The following SLC8A3 variants were observed in gnomAD, a reference collection of about 807,000 sequenced individuals.
SLC8A3 encodes the protein solute carrier family 8 member A3.
In SLC8A3, 37 loss-of-function variants were observed where a neutral mutation model predicts 65.4. The observed-to-expected ratio is 0.57, with a 90% CI of 0.44 to 0.74. The LOEUF (loss-of-function observed/expected upper bound fraction) is 0.74, where lower values mean the gene tolerates loss of function less well. Among genes scored for constraint, SLC8A3 ranks in the 30% least tolerant of loss-of-function variants. The probability of loss-of-function intolerance (pLI) is 0.00; values close to 1 mark genes in which losing one functional copy is unlikely to be tolerated. For missense variants in SLC8A3, 1,112 were observed against 1,172.1 expected (o/e 0.95, Z 0.75); for synonymous variants, 461 against 444.5 (o/e 1.04, Z -0.47).
At chr14:70,138,765 T>C (rs1225537588) in intron 2 of SLC8A3, among the ~76,000 whole-genome samples, 1 of 152,218 alleles carries the variant, frequency 6.6e-6, no homozygotes, top group Non-Finnish European at 1.5e-5. Flanking sequence ...AGGCTTGGCT[T>C]TCCAGATTCC....
At chr14:70,144,347 A>AGGCC in intron 2 of SLC8A3, among the ~76,000 whole-genome samples, 1 of 140,868 alleles carries the variant, frequency 7.1e-6, no homozygotes, top group African/African-American at 2.6e-5. Flanking sequence ...AAAAAAAAAA[A>AGGCC]AGGCCAGGCA....
At chr14:70,098,299 C>CT (rs919650400) in intron 2 of SLC8A3, among the ~76,000 whole-genome samples, 9 of 27,990 alleles carry the variant, frequency 3.2e-4, no homozygotes, top group Non-Finnish European at 6.5e-4. Flanking sequence ...CTTTTTCTCA[C>CT]TTTTTTTTAA....
chr14:70,054,039 AG>A (rs1169593464), intron 3 of SLC8A3, among the ~76,000 whole-genome samples: 1 of 152,240 alleles, frequency 6.6e-6, no homozygotes, highest in Non-Finnish European at 1.5e-5. Flanking sequence ...AATAAATGGC[AG>A]GTGATCTAGA....
intron 1 of SLC8A3, among the ~76,000 whole-genome samples, chr14:70,171,157 C>T (rs1422366679): frequency 6.6e-6 from 1 of 152,140 alleles, no homozygotes; most frequent in Non-Finnish European, 1.5e-5. Context: ...AGCTGAGTAG[C>T]TCTTTCTTCA....
chr14:70,146,559 T>C (rs1479704707), intron 2 of SLC8A3, among the ~76,000 whole-genome samples: 3 of 152,082 alleles, frequency 2.0e-5, no homozygotes, highest in Admixed American at 2.0e-4. Flanking sequence ...AAAAATGACT[T>C]GAGGAAAAAA....
At chr14:70,109,430 T>A (rs1009199363) in intron 2 of SLC8A3, among the ~76,000 whole-genome samples, 3 of 138,408 alleles carry the variant, frequency 2.2e-5, no homozygotes, top group Admixed American at 1.6e-4. Context: ...TGTGTATATA[T>A]ATACATGTAT....
intron 2 of SLC8A3, among the ~76,000 whole-genome samples, chr14:70,141,014 TA>T (rs1212630552): frequency 1.4e-4 from 21 of 152,326 alleles, no homozygotes; most frequent in Non-Finnish European, 4.4e-5. Flanking sequence ...ACTGCTGTGA[TA>T]AAAAGACAGG....
At chr14:70,140,313 T>C (rs1332330258) in intron 2 of SLC8A3, among the ~76,000 whole-genome samples, 1 of 152,154 alleles carries the variant, frequency 6.6e-6, no homozygotes, top group Non-Finnish European at 1.5e-5. Flanking sequence ...CCATGCATCA[T>C]ATCACTGCAC....
rs1897218277 is a variant in SLC8A3 at position 70,167,137 on chromosome 14, A to G, written c.1286T>C (p.Met429Thr). 1.2e-5 allele frequency: 19 copies of G among 1,614,184 alleles called. No individual in the cohort carries two copies. Among genetic ancestry groups the G allele is most frequent in the Non-Finnish European group, 1.6e-5 (19 of 1,180,024 alleles). ...ATCCTCTGTTTTGTAGTCCACATAC[A>G]TGGTCTTTGACATGTCTCCCCCTTT... ...VRKGGDMSKT[M>T]YVDYKTEDGS... The change falls in exon 2 of 7, where the codon ATG becomes ACG. Residue 429 changes from methionine (M) to threonine (T), a missense_variant. Transcript: ENST00000356921.
chr14:70,079,811 G>C (rs1890886899), intron 2 of SLC8A3, among the ~76,000 whole-genome samples: 1 of 152,138 alleles, frequency 6.6e-6, no homozygotes, highest in Admixed American at 6.5e-5. Context: ...TATATGGCCT[G>C]CTCAAAAAGC....
intron 2 of SLC8A3, among the ~76,000 whole-genome samples, chr14:70,078,254 GC>G (rs1890720857): frequency 1.3e-5 from 2 of 152,198 alleles, no homozygotes; most frequent in African/African-American, 2.4e-5. Flanking sequence ...TGCCTGGAGG[GC>G]CTTTAATCAA....
chr14:70,131,646 G>T (rs1894835913), intron 2 of SLC8A3, among the ~76,000 whole-genome samples: 1 of 152,216 alleles, frequency 6.6e-6, no homozygotes, highest in Admixed American at 6.5e-5. Flanking sequence ...TTCTCTTGTT[G>T]AAACTGAGAG....
intron 1 of SLC8A3, among the ~76,000 whole-genome samples, chr14:70,187,867 G>A (rs1883463488): frequency 6.6e-6 from 1 of 152,082 alleles, no homozygotes; most frequent in African/African-American, 2.4e-5. Flanking sequence ...GCGTGCGTAT[G>A]TGCACGCGGG....
intron 2 of SLC8A3, among the ~76,000 whole-genome samples, chr14:70,086,313 G>A (rs1371326357): frequency 6.6e-6 from 1 of 152,014 alleles, no homozygotes; most frequent in Non-Finnish European, 1.5e-5. Context: ...GCCTAGCTTA[G>A]TTGGACTCCA....
intron 3 of SLC8A3, 127 bp downstream of exon 3, chr14:70,060,709 G>C (rs775902329): frequency 2.6e-6 from 2 of 766,842 alleles, no homozygotes; most frequent in Non-Finnish European, 4.8e-6. Flanking sequence ...AAAAGAGAAA[G>C]GAGGAGAAGG....
chr14:70,188,129 C>A (rs1390744191), intron 1 of SLC8A3, among the ~76,000 whole-genome samples: 1 of 152,080 alleles, frequency 6.6e-6, no homozygotes, highest in Admixed American at 6.5e-5. Flanking sequence ...CCTGTAGACA[C>A]CCACTCTGCC....
intron 2 of SLC8A3, among the ~76,000 whole-genome samples, chr14:70,131,980 AAT>A (rs1772390770): frequency 6.6e-6 from 1 of 152,158 alleles, no homozygotes; most frequent in South Asian, 2.1e-4. Context: ...CATCTGGGGG[AAT>A]AGAGTGATTG....
chr14:70,117,191 C>T (rs991081826), intron 2 of SLC8A3, among the ~76,000 whole-genome samples: 4 of 152,216 alleles, frequency 2.6e-5, no homozygotes, highest in African/African-American at 7.2e-5. Context: ...CTGCTGAGTG[C>T]CCCTCTTAGG....
At chr14:70,124,070 G>C (rs1011463559) in intron 2 of SLC8A3, among the ~76,000 whole-genome samples, 1 of 151,978 alleles carries the variant, frequency 6.6e-6, no homozygotes, top group Non-Finnish European at 1.5e-5. Context: ...CCCCCAAATA[G>C]CCCTGTGATA....
Sources: gnomAD v4.1 joint callset for allele counts (sites outside exome capture counted in the v4.1 genomes callset) on GRCh38, gnomAD v4.1.1 for gene constraint, MANE v1.5 for transcripts, NCBI Gene and HGNC (gene_info 2026-07-23, HGNC 2026-07-21) for gene names.